The following CACNA1A variants were observed in gnomAD, a reference collection of about 807,000 sequenced individuals.
CACNA1A encodes the protein voltage-dependent P/Q-type calcium channel subunit alpha-1A.
CACNA1A carries 57 observed loss-of-function variants against 262.4 expected under a neutral mutation model. That is an observed-to-expected ratio of 0.22 (90% CI 0.18 to 0.27). CACNA1A has a LOEUF of 0.27. CACNA1A is among the 10% of genes least tolerant of loss of function. The pLI, the probability that CACNA1A is intolerant of heterozygous loss-of-function variation, is 1.00. For synonymous variants in CACNA1A, 1,431 were observed against 1,419.3 expected, an observed-to-expected ratio of 1.01 and a Z score of -0.18; for missense variants, 2,526 against 3,562.8, an observed-to-expected ratio of 0.71 and a Z score of 7.41.
chr19:13,215,621 G>GT lies in CACNA1A; in HGVS notation c.5732-1014dup, dbSNP rs34070721. ...ATGCGTGAGCCACCGCGTCTGGCCT[G>GT]TTTTTTTTTTTTTTTTGACAGAGTC... On this transcript the variant is annotated intron_variant, in intron 38 of 46. Transcript: ENST00000360228. Among the ~76,000 whole-genome samples, 509 of 135,018 alleles carry GT rather than the reference G, an allele frequency of 3.8e-3. 2 individuals are homozygous for GT. Among genetic ancestry groups the GT allele is most frequent in the African/African-American group, 5.8e-3 (208 of 35,982 alleles). The allele number at this position is 135,018 out of a possible 152,430, so 88.6% of individuals were successfully genotyped here.
At chr19:13,327,021 T>C (rs1312600765) in intron 10 of CACNA1A, among the ~76,000 whole-genome samples, 2 of 151,786 alleles carry the variant, frequency 1.3e-5, no homozygotes, top group Non-Finnish European at 2.9e-5. Flanking sequence ...CACGAGTAGC[T>C]GGGACTACTG....
intron 32 of CACNA1A, 24 bp from the exon 33 acceptor site, chr19:13,235,298 G>C (rs1443532664): frequency 6.4e-7 from 1 of 1,565,990 alleles, no homozygotes. Context: ...AGGCAATGAA[G>C]AAGAGTGCTG....
In CACNA1A at chr19:13,214,128, G is replaced by C; in HGVS notation, c.5940+105C>G. 2 of 878,774 alleles carry C rather than the reference G, an allele frequency of 2.3e-6. No individual in the cohort carries two copies. Among genetic ancestry groups the C allele is most frequent in the Non-Finnish European group, 3.6e-6 (2 of 557,430 alleles). The allele number at this position is 878,774 out of a possible 1,614,324, so 54.4% of individuals were successfully genotyped here. ...CTGTGCACAGCCCCTACTTTTCAGG[G>C]ACCTGCCCTGGGGCTCAGCCACCCT... is the stretch of plus-strand genomic sequence containing the variant. On this transcript the variant is annotated intron_variant, in intron 40 of 46. Transcript: ENST00000360228. The surrounding 1 kb of genome is among the most constrained non-coding windows in gnomAD (Gnocchi z 4.1).
chr19:13,278,569 A>G lies in CACNA1A; in HGVS notation c.3823-1441T>C. On this transcript the variant is annotated intron_variant, in intron 22 of 46. Coordinates refer to ENST00000360228, the MANE Select transcript of CACNA1A (RefSeq NM_001127222.2). ...CCCTCTGCCCACCACACCCCCGGCC[A>G]CTTATCACTCCCTGAACATTTGTTG... is the stretch of plus-strand genomic sequence containing the variant. Among the ~76,000 whole-genome samples the G allele has an allele frequency of 2.0e-5, 3 of 152,128 alleles. 1 individual carries two copies. Among genetic ancestry groups the G allele is most frequent in the Non-Finnish European group, 4.4e-5 (3 of 68,020 alleles).
At chr19:13,431,849 A>C (rs1398114268) in intron 3 of CACNA1A, among the ~76,000 whole-genome samples, 1 of 151,766 alleles carries the variant, frequency 6.6e-6, no homozygotes, top group African/African-American at 2.4e-5. Context: ...GTGGTGGCCC[A>C]TAATCCCATC....
intron 1 of CACNA1A, among the ~76,000 whole-genome samples, chr19:13,465,082 C>T (rs755434428): frequency 2.0e-5 from 3 of 152,034 alleles, no homozygotes; most frequent in Non-Finnish European, 4.4e-5. Flanking sequence ...GCGTGCAGCA[C>T]CATACCTGGC....
At chr19:13,409,184 T>C (rs150613024) in intron 3 of CACNA1A, among the ~76,000 whole-genome samples, 133 of 152,232 alleles carry the variant, frequency 8.7e-4, no homozygotes, top group Non-Finnish European at 1.7e-3. Context: ...TCCCGAATGA[T>C]GGAGTATTGG....
At chr19:13,294,309 T>C (rs1326847980) in intron 19 of CACNA1A, among the ~76,000 whole-genome samples, 1 of 151,808 alleles carries the variant, frequency 6.6e-6, no homozygotes, top group Non-Finnish European at 1.5e-5. Context: ...TAGAAAGTCA[T>C]GAAGAGGAAA....
At chr19:13,344,855 A>G (rs2058736338) in intron 6 of CACNA1A, among the ~76,000 whole-genome samples, 2 of 152,032 alleles carry the variant, frequency 1.3e-5, no homozygotes, top group African/African-American at 4.8e-5. Flanking sequence ...CCCAGGTTCA[A>G]GTGATTCTTG....
At chr19:13,338,309 A>G (rs2058612941) in intron 6 of CACNA1A, among the ~76,000 whole-genome samples, 1 of 152,228 alleles carries the variant, frequency 6.6e-6, no homozygotes, top group African/African-American at 2.4e-5. Flanking sequence ...CCACTGTTAC[A>G]TATTTGATCT....
At chr19:13,343,226 A>T (rs1311974274) in intron 6 of CACNA1A, among the ~76,000 whole-genome samples, 5 of 151,172 alleles carry the variant, frequency 3.3e-5, no homozygotes, top group Admixed American at 1.3e-4. Context: ...GGTCCAAGTG[A>T]TTCTCTGCCT....
chr19:13,474,816 CA>C (rs58540948), intron 1 of CACNA1A, among the ~76,000 whole-genome samples: 9,927 of 126,230 alleles, frequency 0.079, 615 homozygotes, highest in East Asian at 0.39. Flanking sequence ...GACTCCGTCT[CA>C]AAAAAAAAAA....
chr19:13,233,544 G>C (rs1206261257), intron 34 of CACNA1A, among the ~76,000 whole-genome samples: 4 of 152,160 alleles, frequency 2.6e-5, no homozygotes, highest in African/African-American at 9.7e-5. Context: ...CTGGAGTGCA[G>C]TGGCACAATC....
At chr19:13,275,468 G>A (rs938357053) in intron 24 of CACNA1A, 4 of 240,000 alleles carry the variant, frequency 1.7e-5, no homozygotes, top group African/African-American at 4.4e-5. Flanking sequence ...ATGCACATTC[G>A]TTTCCTGATT....
At chr19:13,268,893 C>CTTTTTTTTT (rs3050832) in intron 24 of CACNA1A, among the ~76,000 whole-genome samples, 5 of 107,948 alleles carry the variant, frequency 4.6e-5, no homozygotes, top group African/African-American at 1.4e-4. Flanking sequence ...ATAGATTCTA[C>CTTTTTTTTT]TTTTTTTTTT....
chr19:13,262,795 G>C lies in CACNA1A; in HGVS notation c.4028C>G (p.Ser1343Cys). The C allele has an allele frequency of 6.2e-7, 1 of 1,613,566 alleles. No individual in the cohort carries two copies. Among genetic ancestry groups the C allele is most frequent in the Non-Finnish European group, 8.5e-7 (1 of 1,179,606 alleles). ...SKGKDINTIKSLRVLRVLRPL... is the reference protein window; with the variant it reads ...SKGKDINTIKCLRVLRVLRPL... Reference sequence around the variant, plus strand: ...TCGTAGCACCCGGAGGACTCGGAGGGATTTAATCGTGTTGATGTCTTTTCC... The same window carrying C: ...TCGTAGCACCCGGAGGACTCGGAGGCATTTAATCGTGTTGATGTCTTTTCC... The change falls in exon 25 of 47, where the codon TCC (serine) becomes TGC (cysteine). Residue 1343 changes from serine (S) to cysteine (C), a missense_variant. Physicochemically the swap from Ser to Cys is moderately radical, Grantham distance 112 (BLOSUM62 -1). Coordinates refer to ENST00000360228, the MANE Select transcript of CACNA1A (RefSeq NM_001127222.2).
chr19:13,461,308 C>G (rs1044418833), intron 1 of CACNA1A, among the ~76,000 whole-genome samples: 1 of 152,084 alleles, frequency 6.6e-6, no homozygotes, highest in African/African-American at 2.4e-5. Context: ...CCACTGCACT[C>G]CAGCCTGGAC....
intron 38 of CACNA1A, among the ~76,000 whole-genome samples, chr19:13,222,190 C>T (rs752982053): frequency 6.6e-6 from 1 of 151,750 alleles, no homozygotes; most frequent in Non-Finnish European, 1.5e-5. Context: ...TACAGGCACA[C>T]GCCACGACAC....
intron 6 of CACNA1A, among the ~76,000 whole-genome samples, chr19:13,340,153 A>G (rs1393785247): frequency 2.1e-5 from 1 of 48,780 alleles, no homozygotes; most frequent in East Asian, 0.083. Flanking sequence ...GGGGAGAGGG[A>G]CAGGACTGAA....
Sources: gnomAD v4.1 joint callset for allele counts (sites outside exome capture counted in the v4.1 genomes callset) on GRCh38, gnomAD v4.1.1 for gene constraint, Gnocchi (gnomAD v3.1) non-coding constraint, MANE v1.5 for transcripts, NCBI Gene and HGNC (gene_info 2026-07-23, HGNC 2026-07-21) for gene names.